ADORA1: variants seen among roughly 807,000 people sequenced by gnomAD.
ADORA1 encodes the protein adenosine receptor A1.
Under a neutral mutation model 19.9 loss-of-function variants are expected in ADORA1, and 6 were observed. The observed-to-expected ratio is 0.30, with a 90% confidence interval of 0.17 to 0.59. The LOEUF (loss-of-function observed/expected upper bound fraction) is 0.59. Among genes scored for constraint, ADORA1 ranks in the 20% least tolerant of loss-of-function variants. The pLI is 0.87. For missense variants in ADORA1, 302 were observed against 439.2 expected (o/e 0.69, Z 2.79); for synonymous variants, 194 against 188.4 (o/e 1.03, Z -0.24).
intron 3 of ADORA1, among the ~76,000 whole-genome samples, chr1:203,132,215 A>C (rs567062180): frequency 6.6e-6 from 1 of 152,070 alleles, no homozygotes; most frequent in Non-Finnish European, 1.5e-5. Flanking sequence ...TTGAAGCCCT[A>C]TTCCCCTCAG....
intron 3 of ADORA1, among the ~76,000 whole-genome samples, chr1:203,143,524 T>G (rs1202837000): frequency 6.6e-6 from 1 of 150,662 alleles, no homozygotes; most frequent in Non-Finnish European, 1.5e-5. Flanking sequence ...GGTGTGTGTA[T>G]TCACATATGC....
At chr1:203,154,012 A>T (rs546864668) in intron 3 of ADORA1, among the ~76,000 whole-genome samples, 1 of 152,236 alleles carries the variant, frequency 6.6e-6, no homozygotes. Context: ...CTGACTATCC[A>T]AACCGCAGGA....
rs1025316880 is a variant in ADORA1, at chr1:203,147,330, C to T, written c.342-17931C>T. ...TTCCTGGCCTTTTTTTTCCTCGTATCGGGGGAGGTGGCTATCCATTAAGAG... is the reference window on the plus strand; with the variant it reads ...TTCCTGGCCTTTTTTTTCCTCGTATTGGGGGAGGTGGCTATCCATTAAGAG... On this transcript the variant is annotated intron_variant, in intron 3 of 3. Transcript: ENST00000337894. Among the ~76,000 whole-genome samples the T allele has an allele frequency of 4.0e-4, 61 of 152,152 alleles. 1 individual carries two copies. Among genetic ancestry groups the T allele is most frequent in the African/African-American group, 1.3e-3 (54 of 41,502 alleles).
chr1:203,134,255 AGAG>A (rs1654434503), intron 3 of ADORA1, among the ~76,000 whole-genome samples: 1 of 152,176 alleles, frequency 6.6e-6, no homozygotes. Context: ...CTTGAGCAGA[AGAG>A]CTCTTTGCAG....
intron 3 of ADORA1, among the ~76,000 whole-genome samples, chr1:203,146,386 T>C (rs2102749764): frequency 6.6e-6 from 1 of 152,166 alleles, no homozygotes; most frequent in East Asian, 1.9e-4. Context: ...CCCAATACTT[T>C]CGGAGGCCAA....
chr1:203,149,630 T>C (rs984975051), intron 3 of ADORA1, among the ~76,000 whole-genome samples: 1 of 152,138 alleles, frequency 6.6e-6, no homozygotes, highest in African/African-American at 2.4e-5. Context: ...GCTGAGTGGT[T>C]GAGGCGGGAC....
intron 3 of ADORA1, among the ~76,000 whole-genome samples, chr1:203,143,174 T>A (rs749169748): frequency 1.9e-4 from 29 of 152,206 alleles, no homozygotes; most frequent in Non-Finnish European, 2.6e-4. Flanking sequence ...GGCTCATGGT[T>A]CTGGAGGCTG....
At chr1:203,142,622 T>G (rs1290746115) in intron 3 of ADORA1, among the ~76,000 whole-genome samples, 1 of 152,124 alleles carries the variant, frequency 6.6e-6, no homozygotes, top group Non-Finnish European at 1.5e-5. Flanking sequence ...GTACAGCAAG[T>G]TAGGGTGTGA....
intron 3 of ADORA1, among the ~76,000 whole-genome samples, chr1:203,153,621 T>C (rs1494489): frequency 1 from 152,279 of 152,282 alleles, 76,138 homozygotes; most frequent in Middle Eastern, 1. Flanking sequence ...CACTGATGTT[T>C]TAGATGGTGA....
intron 3 of ADORA1, among the ~76,000 whole-genome samples, chr1:203,159,741 C>T (rs1558137732): frequency 6.6e-6 from 1 of 152,218 alleles, no homozygotes; most frequent in South Asian, 2.1e-4. Context: ...TGAACCCTAA[C>T]ACCTAGAACC....
At chr1:203,133,786 G>T (rs1654417806) in intron 3 of ADORA1, among the ~76,000 whole-genome samples, 1 of 152,258 alleles carries the variant, frequency 6.6e-6, no homozygotes, top group Admixed American at 6.5e-5. Context: ...GGGAACCACA[G>T]CAAGGAGTGG....
chr1:203,129,261 G>T (rs999889066), intron 3 of ADORA1, 79 bp downstream of exon 3: 1 of 1,532,748 alleles, frequency 6.5e-7, no homozygotes, highest in Non-Finnish European at 8.8e-7. Flanking sequence ...AAAAAAGGTA[G>T]AGCATAAGAC....
chr1:203,152,217 A>G (rs1056024091), intron 3 of ADORA1, among the ~76,000 whole-genome samples: 4 of 152,168 alleles, frequency 2.6e-5, no homozygotes, highest in African/African-American at 9.7e-5. Context: ...GGGGTCTCCC[A>G]TTTCCCACCA....
chr1:203,146,160 CAG>C (rs1458205861), intron 3 of ADORA1, among the ~76,000 whole-genome samples: 2 of 148,180 alleles, frequency 1.3e-5, no homozygotes, highest in African/African-American at 5.0e-5. Flanking sequence ...TCCTCAGTGT[CAG>C]GGGTGGGGGA....
chr1:203,150,584 T>C (rs1369984360), intron 3 of ADORA1: 2 of 1,275,884 alleles, frequency 1.6e-6, no homozygotes, highest in Non-Finnish European at 2.0e-6. Context: ...GGTTGCAAGG[T>C]GGGGAGAAAG....
At chr1:203,156,529 G>C (rs368219549) in intron 3 of ADORA1, among the ~76,000 whole-genome samples, 1 of 152,134 alleles carries the variant, frequency 6.6e-6, no homozygotes, top group African/African-American at 2.4e-5. Context: ...GTGAAGTGGA[G>C]TTTAAGGTAA....
At chr1:203,158,543 T>C (rs1243128711) in intron 3 of ADORA1, among the ~76,000 whole-genome samples, 2 of 152,204 alleles carry the variant, frequency 1.3e-5, no homozygotes, top group African/African-American at 4.8e-5. Flanking sequence ...TTTATGGCAG[T>C]CTGGGCATTT....
In ADORA1 at chr1:203,128,180, C is replaced by T; in HGVS notation, c.-212-98C>T. The T allele has an allele frequency of 8.3e-6, 4 of 484,030 alleles. No homozygotes were observed. Among genetic ancestry groups the T allele is most frequent in the Non-Finnish European group, 1.0e-5 (3 of 298,192 alleles). The allele number at this position is 484,030 out of a possible 1,614,324, so 30.0% of individuals were successfully genotyped here. A position where few individuals can be genotyped will look rare whatever the true frequency, so the allele number is the denominator to read the frequency against. On this transcript the variant is annotated intron_variant, in intron 1 of 3. Transcript: ENST00000337894. This position sits in a 1 kb window ranked among gnomAD's most constrained non-coding sequence, Gnocchi z 5.9. ...TTGTCCTGGGCTCCGTCCCCAGACC[C>T]ACGTCTGCCACCCCAGTCCCAGGTG... is the stretch of plus-strand genomic sequence containing the variant.
intron 3 of ADORA1, among the ~76,000 whole-genome samples, chr1:203,137,279 G>A (rs1654542019): frequency 6.6e-6 from 1 of 152,202 alleles, no homozygotes; most frequent in Non-Finnish European, 1.5e-5. Flanking sequence ...TGTACCTGAA[G>A]GGTTTAGGGA....
Sources: allele counts gnomAD v4.1 joint callset (sites outside exome capture counted in the v4.1 genomes callset), GRCh38; gene constraint gnomAD v4.1.1; non-coding constraint Gnocchi (gnomAD v3.1); transcripts MANE v1.5; gene names NCBI Gene and HGNC (gene_info 2026-07-23, HGNC 2026-07-21).